TCF4: variants seen among roughly 807,000 people sequenced by gnomAD.
The protein encoded by TCF4 is transcription factor 4.
In TCF4, 3 loss-of-function variants were observed where a neutral mutation model predicts 82.1. The observed-to-expected ratio is 0.04, with a 90% CI of 0.02 to 0.09. TCF4 has a LOEUF of 0.09. Ranked by LOEUF, TCF4 falls within the 10% of genes least tolerant of loss-of-function variation. The pLI, the probability that TCF4 is intolerant of heterozygous loss-of-function variation, is 1.00. For missense variants in TCF4, 518 were observed against 852.7 expected, an observed-to-expected ratio of 0.61 and a Z score of 4.89; for synonymous variants, 276 against 309.6, an observed-to-expected ratio of 0.89 and a Z score of 1.14.
intron 3 of TCF4, among the ~76,000 whole-genome samples, chr18:55,561,195 G>A (rs1342824039): frequency 6.6e-6 from 1 of 152,160 alleles, no homozygotes; most frequent in Non-Finnish European, 1.5e-5. Flanking sequence ...ACTCTGTGCA[G>A]GTCTCTTGCC....
chr18:55,445,649 G>A (rs1440203522), intron 5 of TCF4, among the ~76,000 whole-genome samples: 3 of 152,072 alleles, frequency 2.0e-5, no homozygotes, highest in Non-Finnish European at 2.9e-5. Context: ...GATTTGGGTG[G>A]GACACAGCCA....
intron 3 of TCF4, among the ~76,000 whole-genome samples, chr18:55,513,375 T>C (rs1324630867): frequency 6.6e-6 from 1 of 151,918 alleles, no homozygotes. Context: ...TCAGCTTTTT[T>C]TTTTTTTTTT....
intron 3 of TCF4, among the ~76,000 whole-genome samples, chr18:55,521,125 C>A (rs1477433999): frequency 6.6e-6 from 1 of 152,102 alleles, no homozygotes; most frequent in African/African-American, 2.4e-5. Context: ...TTTGGAAAGA[C>A]TGAAACAGCT....
intron 2 of TCF4, among the ~76,000 whole-genome samples, chr18:55,624,313 A>T (rs551346966): frequency 1.3e-3 from 201 of 152,006 alleles, no homozygotes; most frequent in Non-Finnish European, 2.3e-3. Flanking sequence ...AAGGTAGATT[A>T]TTTAATAATT....
At chr18:55,308,140 T>C (rs2070993659) in intron 8 of TCF4, among the ~76,000 whole-genome samples, 1 of 152,236 alleles carries the variant, frequency 6.6e-6, no homozygotes, top group African/African-American at 2.4e-5. Context: ...ACTTAAGTAC[T>C]ACTTAAGTGA....
At chr18:55,338,592 A>G (rs1231668611) in intron 8 of TCF4, among the ~76,000 whole-genome samples, 1 of 152,238 alleles carries the variant, frequency 6.6e-6, no homozygotes, top group Admixed American at 6.5e-5. Flanking sequence ...GTAAGTAAAC[A>G]TCAGGTTTCC....
chr18:55,341,800 C>T (rs2080032512), intron 8 of TCF4, among the ~76,000 whole-genome samples: 1 of 152,084 alleles, frequency 6.6e-6, no homozygotes, highest in African/African-American at 2.4e-5. Context: ...GACAAAAGTC[C>T]ATGTGTTACA....
intron 6 of TCF4, among the ~76,000 whole-genome samples, chr18:55,374,348 GA>G (rs527463496): frequency 4.2e-5 from 6 of 144,196 alleles, no homozygotes; most frequent in Non-Finnish European, 6.1e-5. Flanking sequence ...GAAGGTACTT[GA>G]AAAAAAAAAC....
chr18:55,455,214 A>C (rs1358391093), intron 5 of TCF4, among the ~76,000 whole-genome samples: 1 of 150,834 alleles, frequency 6.6e-6, no homozygotes, highest in African/African-American at 2.4e-5. Flanking sequence ...GAAAAGAAAA[A>C]GAAGAAGGAG....
At chr18:55,581,549 C>CAA (rs1380870628) in intron 3 of TCF4, among the ~76,000 whole-genome samples, 1 of 152,024 alleles carries the variant, frequency 6.6e-6, no homozygotes, top group East Asian at 1.9e-4. Context: ...CACACACACA[C>CAA]AATATTAAGC....
chr18:55,264,771 G>A (rs1431312913), intron 11 of TCF4: 1 of 151,980 alleles, frequency 6.6e-6, no homozygotes, highest in Non-Finnish European at 1.5e-5. Context: ...GCATTTGCTT[G>A]GTAAAGACTT....
intron 3 of TCF4, among the ~76,000 whole-genome samples, chr18:55,523,091 A>C (rs770336206): frequency 3.9e-5 from 6 of 152,080 alleles, no homozygotes; most frequent in Non-Finnish European, 8.8e-5. Flanking sequence ...TTGAAATTTA[A>C]ATGAGAGTTC....
At chr18:55,539,048 TAA>T (rs948961570) in intron 3 of TCF4, among the ~76,000 whole-genome samples, 2 of 141,812 alleles carry the variant, frequency 1.4e-5, no homozygotes, top group Admixed American at 7.1e-5. Flanking sequence ...ACACTCCATT[TAA>T]AAAAAAAAAG....
intron 2 of TCF4, among the ~76,000 whole-genome samples, chr18:55,597,856 T>A (rs755926231): frequency 7.2e-5 from 11 of 152,154 alleles, no homozygotes; most frequent in Non-Finnish European, 1.2e-4. Context: ...TTTCCAACTT[T>A]ATTTCCATAT....
intron 8 of TCF4, among the ~76,000 whole-genome samples, chr18:55,303,266 C>A (rs2068981412): frequency 1.3e-5 from 2 of 151,060 alleles, no homozygotes; most frequent in South Asian, 4.2e-4. Flanking sequence ...CACACACACA[C>A]ACCCCTACAC....
chr18:55,293,930 A>AAT (rs1568769774), intron 8 of TCF4, among the ~76,000 whole-genome samples: 3 of 22,660 alleles, frequency 1.3e-4, no homozygotes, highest in Admixed American at 7.1e-4. Context: ...CTTTCCAAGG[A>AAT]CTTTTTTTTT....
At chr18:55,412,268 G>A (rs1307174194) in intron 5 of TCF4, among the ~76,000 whole-genome samples, 2 of 151,814 alleles carry the variant, frequency 1.3e-5, no homozygotes. Flanking sequence ...ATTTCAGACA[G>A]TTACATTTCA....
Position 55,350,351 on chromosome 18 carries a change from G to A in TCF4, c.549+8C>T, listed in dbSNP as rs1391251194. On this transcript the variant is annotated splice_region_variant and intron_variant, in intron 8 of 19. Transcript: ENST00000354452. ...GCAATATACAAAGCAGAAACAAGCA[G>A]TACTTACTGAAGATGGCAAACCTGG... 6.2e-7 allele frequency: 1 copy of A among 1,613,204 alleles called. No homozygotes were observed. Among genetic ancestry groups the A allele is most frequent in the Non-Finnish European group, 8.5e-7 (1 of 1,179,324 alleles).
rs2097731115 is a variant in TCF4, at chr18:55,631,081, ACT to A, written c.286+215_286+216del. ...TTTTTTTTTTTTGAAATAGAATCTCACTCTGTCACCCAGGTTGCAGTGCAGTG... is the reference window on the plus strand; with the variant it reads ...TTTTTTTTTTTTGAAATAGAATCTCACTGTCACCCAGGTTGCAGTGCAGTG... On this transcript the variant is annotated intron_variant, in intron 2 of 20. Coordinates refer to the TCF4 transcript ENST00000398339. 2.1e-5 allele frequency among the ~76,000 whole-genome samples: 3 copies of A among 144,798 alleles called. No homozygotes were observed. In the South Asian group the frequency reaches 6.5e-4, roughly 31 times the overall value. The allele number at this position is 144,798 out of a possible 152,430, so 95.0% of individuals were successfully genotyped here.
Sources: allele counts gnomAD v4.1 joint callset (sites outside exome capture counted in the v4.1 genomes callset), GRCh38; gene constraint gnomAD v4.1.1; transcripts MANE v1.5; gene names NCBI Gene and HGNC (gene_info 2026-07-23, HGNC 2026-07-21).